Variants in NR2E1 observed in about 807,000 individuals in gnomAD.
NR2E1 encodes the protein nuclear receptor TLX.
In NR2E1, 5 loss-of-function variants were observed where a neutral mutation model predicts 43.6. The observed-to-expected ratio is 0.11, with a 90% confidence interval of 0.06 to 0.24. The LOEUF (loss-of-function observed/expected upper bound fraction) is 0.24. Ranked by LOEUF, NR2E1 falls within the 10% of genes least tolerant of loss-of-function variation. The probability of loss-of-function intolerance (pLI) is 1.00; values close to 1 mark genes in which losing one functional copy is unlikely to be tolerated. For synonymous variants in NR2E1, 191 were observed against 195.5 expected, an observed-to-expected ratio of 0.98 and a Z score of 0.19; for missense variants, 287 against 496.7, an observed-to-expected ratio of 0.58 and a Z score of 4.01.
chr6:108,186,854 G>A (rs1050547230), intron 8 of NR2E1, among the ~76,000 whole-genome samples: 9 of 152,140 alleles, frequency 5.9e-5, no homozygotes, highest in Admixed American at 4.6e-4. Flanking sequence ...ATAATTTGGA[G>A]AATTGCTTAG....
chr6:108,167,351 A>T (rs2114668265), intron 1 of NR2E1, among the ~76,000 whole-genome samples: 1 of 152,274 alleles, frequency 6.6e-6, no homozygotes, highest in African/African-American at 2.4e-5. Flanking sequence ...GAACCACTCT[A>T]GCAAAGAGAG....
chr6:108,181,036 T>C (rs1562406066), intron 7 of NR2E1, 80 bp downstream of exon 7: 1 of 1,461,060 alleles, frequency 6.8e-7, no homozygotes. Flanking sequence ...AAGTCTGAAC[T>C]GACCTTTGCA....
At chr6:108,174,475 G>A (rs1773862362) in intron 2 of NR2E1, among the ~76,000 whole-genome samples, 1 of 152,006 alleles carries the variant, frequency 6.6e-6, no homozygotes, top group Non-Finnish European at 1.5e-5. Flanking sequence ...CTGAAGTCTC[G>A]TCCCTGTTCC....
chr6:108,167,809 T>C (rs1582439576), intron 1 of NR2E1, among the ~76,000 whole-genome samples: 1 of 151,524 alleles, frequency 6.6e-6, no homozygotes, highest in Non-Finnish European at 1.5e-5. Flanking sequence ...TCCCTCCCCC[T>C]CCCCCTTTCA....
chr6:108,174,782 G>C lies in NR2E1; in HGVS notation c.172-54G>C, dbSNP rs534750455. The C allele has an allele frequency of 5.3e-6, 8 of 1,500,012 alleles. No individual in the cohort carries two copies. In the African/African-American group the frequency reaches 9.6e-5, roughly 18 times the overall value. The allele number at this position is 1,500,012 out of a possible 1,614,324, so 92.9% of individuals were successfully genotyped here. ...GTTTCCCCGCCCGGGTGCCGGCTCC[G>C]GGTCTCCAGCCTAAAGGCCCTGGGG... is the stretch of plus-strand genomic sequence containing the variant. On this transcript the variant is annotated intron_variant, in intron 2 of 8. Transcript: ENST00000368986.
chr6:108,167,248 T>A (rs1305806823), intron 1 of NR2E1, among the ~76,000 whole-genome samples: 1 of 152,150 alleles, frequency 6.6e-6, no homozygotes, highest in Non-Finnish European at 1.5e-5. Flanking sequence ...TTTCAAATAA[T>A]CCTGCAAACT....
chr6:108,188,502 AACACACACACACACACACACACACAC>A lies in NR2E1; in HGVS notation c.*1064_*1089del, dbSNP rs373693807. ...CTGGTTTCTAGTAAAGCCTTGAATG[AACACACACACACACACACACACACAC>A]ACACACACACACACACACACACACC... On this transcript the variant is annotated 3_prime_UTR_variant, in exon 9 of 9. Coordinates refer to ENST00000368986, the MANE Select transcript of NR2E1 (RefSeq NM_003269.5). 1.5e-5 allele frequency: 2 copies of A among 132,980 alleles called. No individual in the cohort carries two copies. Among genetic ancestry groups the A allele is most frequent in the African/African-American group, 2.8e-5 (1 of 35,310 alleles). 8.2% of individuals were successfully genotyped at this position (132,980 alleles called of 1,614,324 possible). A position where few individuals can be genotyped will look rare whatever the true frequency, so the allele number is the denominator to read the frequency against.
intron 2 of NR2E1, among the ~76,000 whole-genome samples, chr6:108,174,621 T>C (rs1221285442): frequency 6.6e-6 from 1 of 152,144 alleles, no homozygotes; most frequent in Non-Finnish European, 1.5e-5. Flanking sequence ...GGTCCGGGAC[T>C]GGCCCTCTTG....
At chr6:108,181,672 A>G in intron 8 of NR2E1, 21 bp downstream of exon 8, 1 of 1,592,908 alleles carries the variant, frequency 6.3e-7, no homozygotes, top group Non-Finnish European at 8.6e-7. Flanking sequence ...TTTGCCTTGA[A>G]CATGTACTTA....
At position 108,186,934 on chromosome 6, in the gene NR2E1, T is replaced by A. The variant is rs190141097; in HGVS notation, c.996-367T>A. Among the ~76,000 whole-genome samples, 272 of 152,344 alleles carry A rather than the reference T, an allele frequency of 1.8e-3. 3 individuals are homozygous for A. Among genetic ancestry groups the A allele is most frequent in the Non-Finnish European group, 3.1e-3 (210 of 68,032 alleles). Reference sequence around the variant, plus strand: ...TTAGAATTAGAAAACATGGGTTCTGTTGCTAGCCTTATCCTCAATGCCCTG... The same window carrying A: ...TTAGAATTAGAAAACATGGGTTCTGATGCTAGCCTTATCCTCAATGCCCTG... On this transcript the variant is annotated intron_variant, in intron 8 of 8. Transcript: ENST00000368986.
chr6:108,182,661 T>C (rs1774012201), intron 8 of NR2E1, among the ~76,000 whole-genome samples: 1 of 150,476 alleles, frequency 6.6e-6, no homozygotes, highest in Non-Finnish European at 1.5e-5. Context: ...CGGGTTCAAG[T>C]GATTCTCCTG....
In NR2E1 at chr6:108,180,924, C is replaced by G; in HGVS notation, c.857C>G (p.Ala286Gly). ...RQLRLDATEF[A>G]CLKCIVTFKA... Reference sequence around the variant, plus strand: ...CTCCGGTTAGATGCTACTGAATTTGCCTGTCTAAAATGCATCGTCACTTTC... The same window carrying G: ...CTCCGGTTAGATGCTACTGAATTTGGCTGTCTAAAATGCATCGTCACTTTC... The change falls in exon 7 of 9, where the codon GCC (alanine) becomes GGC (glycine). Residue 286 changes from alanine (A) to glycine (G), a missense_variant. By Grantham distance (60) the Ala-to-Gly change is moderately conservative (BLOSUM62 0). Transcript: ENST00000368986. This position sits in a 1 kb window ranked among gnomAD's most constrained non-coding sequence, Gnocchi z 5.4. The G allele has an allele frequency of 6.2e-7, 1 of 1,614,092 alleles. No individual in the cohort carries two copies. The highest frequency in any genetic ancestry group is 8.5e-7 in the Non-Finnish European group (1 of 1,179,992).
At position 108,176,542 on chromosome 6, in the gene NR2E1, G is replaced by T; in HGVS notation, c.299G>T (p.Arg100Leu). 2 of 1,613,106 alleles carry T rather than the reference G, an allele frequency of 1.2e-6. No homozygotes were observed. Among genetic ancestry groups the T allele is most frequent in the Non-Finnish European group, 1.7e-6 (2 of 1,179,944 alleles). Residue 100 changes from arginine to leucine, a missense_variant, in exon 4 of 9, where the codon CGC (arginine) becomes CTC (leucine). Physicochemically the swap from Arg to Leu is moderately radical, Grantham distance 102. Transcript: ENST00000368986. ...CGGGGGCCTCGGACGTCCACCATCCGCAAGCAAGTGGCCCTCTACTTCCGT... is the reference window on the plus strand; with the variant it reads ...CGGGGGCCTCGGACGTCCACCATCCTCAAGCAAGTGGCCCTCTACTTCCGT... ...HERGPRTSTI[R>L]KQVALYFRGH...
intron 1 of NR2E1, chr6:108,168,151 A>C (rs1773743060): frequency 6.3e-7 from 1 of 1,597,052 alleles, no homozygotes; most frequent in Admixed American, 1.8e-5. Context: ...TCGCTGTTGG[A>C]ATCTCCAGGA....
In NR2E1 at chr6:108,180,690, CAG is replaced by C; in HGVS notation, c.740-115_740-114del. The C allele has an allele frequency of 1.0e-6, 1 of 981,838 alleles. No individual in the cohort carries two copies. Among genetic ancestry groups the C allele is most frequent in the South Asian group, 1.4e-5 (1 of 72,658 alleles). 60.8% of individuals were successfully genotyped at this position (981,838 alleles called of 1,614,324 possible). On this transcript the variant is annotated intron_variant, in intron 6 of 8. Coordinates refer to ENST00000368986, the MANE Select transcript of NR2E1 (RefSeq NM_003269.5). The surrounding 1 kb of genome is among the most constrained non-coding windows in gnomAD (Gnocchi z 5.4). The stretch of plus-strand genomic sequence containing the variant: ...ACAATATAGCCGGTTTACATGGAAT[CAG>C]ATATCTTAGAGTGACAATTGAATAG...
intron 8 of NR2E1, among the ~76,000 whole-genome samples, chr6:108,182,081 A>G (rs1006346083): frequency 3.9e-5 from 6 of 152,030 alleles, no homozygotes; most frequent in African/African-American, 1.4e-4. Context: ...ACTAAATAAT[A>G]CAAAAAAATT....
chr6:108,174,584 A>T (rs1297512641), intron 2 of NR2E1, among the ~76,000 whole-genome samples: 1 of 151,996 alleles, frequency 6.6e-6, no homozygotes, highest in East Asian at 1.9e-4. Flanking sequence ...TTGGAGAAGG[A>T]CGTTTCCCCC....
At chr6:108,171,343 C>G (rs1293896900) in intron 1 of NR2E1, 115 bp from the exon 2 acceptor site, 2 of 1,180,166 alleles carry the variant, frequency 1.7e-6, no homozygotes, top group Non-Finnish European at 2.5e-6. Flanking sequence ...GTGCTAATCC[C>G]TTCAGAGGTC....
At position 108,176,537 on chromosome 6, in the gene NR2E1, C is replaced by A; in HGVS notation, c.294C>A (p.Thr98=). The change falls in exon 4 of 9, where the codon ACC becomes ACA. Residue 98 remains threonine, a synonymous_variant. Coordinates refer to ENST00000368986, the MANE Select transcript of NR2E1 (RefSeq NM_003269.5). ...ACGAGCGGGGGCCTCGGACGTCCACCATCCGCAAGCAAGTGGCCCTCTACT... is the reference window on the plus strand; with the variant it reads ...ACGAGCGGGGGCCTCGGACGTCCACAATCCGCAAGCAAGTGGCCCTCTACT... The part of the protein sequence containing the change: ...VQHERGPRTS[T]IRKQVALYFR... The A allele has an allele frequency of 6.2e-7, 1 of 1,613,154 alleles. No homozygotes were observed. Among genetic ancestry groups the A allele is most frequent in the Non-Finnish European group, 8.5e-7 (1 of 1,179,964 alleles).
Sources: allele counts gnomAD v4.1 joint callset (sites outside exome capture counted in the v4.1 genomes callset), GRCh38; gene constraint gnomAD v4.1.1; non-coding constraint Gnocchi (gnomAD v3.1); transcripts MANE v1.5; gene names NCBI Gene and HGNC (gene_info 2026-07-23, HGNC 2026-07-21).